The following SYT9 variants were observed in gnomAD, a reference collection of about 807,000 sequenced individuals.
SYT9 encodes synaptotagmin 9.
Under a neutral mutation model 48.4 loss-of-function variants are expected in SYT9, and 22 were observed. The ratio of observed to expected loss-of-function variants is 0.45; its 90% CI spans 0.32 to 0.65. The LOEUF (loss-of-function observed/expected upper bound fraction) is 0.65, where lower values mean the gene tolerates loss of function less well. Ranked by LOEUF, SYT9 falls within the 30% of genes least tolerant of loss-of-function variation. The pLI is 0.03. For missense variants in SYT9, 577 were observed against 622.0 expected (o/e 0.93, Z 0.77); for synonymous variants, 265 against 245.0 (o/e 1.08, Z -0.76).
intron 1 of SYT9, among the ~76,000 whole-genome samples, chr11:7,292,910 A>G (rs966919129): frequency 6.6e-6 from 1 of 152,208 alleles, no homozygotes; most frequent in Non-Finnish European, 1.5e-5. Context: ...AGCAAACCTA[A>G]TAATGATTCC....
At chr11:7,445,277 G>A (rs745746205) in intron 6 of SYT9, among the ~76,000 whole-genome samples, 4 of 152,170 alleles carry the variant, frequency 2.6e-5, no homozygotes, top group Non-Finnish European at 5.9e-5. Context: ...GAGAGAGGCA[G>A]AAGGGAGAAA....
At chr11:7,379,214 C>T (rs554813892) in intron 3 of SYT9, among the ~76,000 whole-genome samples, 1 of 152,194 alleles carries the variant, frequency 6.6e-6, no homozygotes, top group African/African-American at 2.4e-5. Flanking sequence ...AGACATGCTC[C>T]CTGGGGAAAT....
At chr11:7,452,719 C>T (rs764580786) in intron 6 of SYT9, among the ~76,000 whole-genome samples, 13 of 152,034 alleles carry the variant, frequency 8.6e-5, no homozygotes, top group Admixed American at 2.0e-4. Context: ...GAGCTTTGAA[C>T]GGGACAGTTA....
At chr11:7,441,644 C>T (rs866889070) in intron 6 of SYT9, 8 of 152,070 alleles carry the variant, frequency 5.3e-5, no homozygotes, top group Admixed American at 1.3e-4. Flanking sequence ...TCAGGTTGGT[C>T]GCAAGATGGA....
At chr11:7,324,596 AT>A (rs1849394466) in intron 3 of SYT9, among the ~76,000 whole-genome samples, 1 of 151,774 alleles carries the variant, frequency 6.6e-6, no homozygotes, top group African/African-American at 2.4e-5. Flanking sequence ...TAGTGTTTTC[AT>A]TTTTATTTTT....
chr11:7,437,512 A>C (rs1847733723), intron 6 of SYT9: 1 of 152,150 alleles, frequency 6.6e-6, no homozygotes, highest in African/African-American at 2.4e-5. Context: ...TTCAATAAAC[A>C]CTGTGTGATA....
At chr11:7,297,085 T>TGAGAGAGA (rs1179867342) in intron 1 of SYT9, among the ~76,000 whole-genome samples, 1 of 99,108 alleles carries the variant, frequency 1.0e-5, no homozygotes, top group African/African-American at 4.1e-5. Flanking sequence ...TGTGTGTGTG[T>TGAGAGAGA]GAGAGAGAGA....
intron 5 of SYT9, among the ~76,000 whole-genome samples, chr11:7,418,789 AAC>A (rs1847297890): frequency 6.6e-6 from 1 of 152,244 alleles, no homozygotes; most frequent in Non-Finnish European, 1.5e-5. Flanking sequence ...AGATTTGAAA[AAC>A]AGTCATTTTA....
At chr11:7,448,710 AT>A (rs1847984985) in intron 6 of SYT9, among the ~76,000 whole-genome samples, 1 of 152,246 alleles carries the variant, frequency 6.6e-6, no homozygotes. Flanking sequence ...AAAAAGAATT[AT>A]CTTAAAATAA....
intron 3 of SYT9, among the ~76,000 whole-genome samples, chr11:7,319,071 A>T (rs926654640): frequency 6.6e-5 from 10 of 151,032 alleles, no homozygotes; most frequent in African/African-American, 2.4e-4. Context: ...CTTTCTTCAA[A>T]CTGGAAGAAT....
intron 3 of SYT9, among the ~76,000 whole-genome samples, chr11:7,361,170 C>A (rs999496494): frequency 6.6e-6 from 1 of 151,314 alleles, no homozygotes; most frequent in African/African-American, 2.4e-5. Flanking sequence ...TCCCTTACTT[C>A]TATTTTGTTT....
chr11:7,319,326 T>C (rs1028371796), intron 3 of SYT9, among the ~76,000 whole-genome samples: 4 of 152,014 alleles, frequency 2.6e-5, no homozygotes, highest in Non-Finnish European at 4.4e-5. Context: ...TTTGCTTTTA[T>C]TCTTAAAAGA....
At chr11:7,343,931 C>T (rs577180346) in intron 3 of SYT9, among the ~76,000 whole-genome samples, 1 of 152,262 alleles carries the variant, frequency 6.6e-6, no homozygotes, top group East Asian at 1.9e-4. Context: ...ATTATAAAAA[C>T]GTCATATCTC....
chr11:7,297,820 T>G (rs562698124), intron 1 of SYT9, among the ~76,000 whole-genome samples: 3 of 152,372 alleles, frequency 2.0e-5, no homozygotes, highest in East Asian at 3.9e-4. Context: ...AATTCTAGTT[T>G]GAATGTAATT....
intron 1 of SYT9, among the ~76,000 whole-genome samples, chr11:7,258,886 C>T (rs1358387194): frequency 1.3e-5 from 2 of 152,010 alleles, no homozygotes; most frequent in African/African-American, 4.8e-5. Flanking sequence ...GTAAACTTAG[C>T]ATTTTATTAC....
At chr11:7,358,120 G>A (rs891930768) in intron 3 of SYT9, among the ~76,000 whole-genome samples, 4 of 151,844 alleles carry the variant, frequency 2.6e-5, no homozygotes, top group Non-Finnish European at 4.4e-5. Context: ...TGAGTACTGC[G>A]AAGACGAAAA....
intron 3 of SYT9, among the ~76,000 whole-genome samples, chr11:7,355,848 T>C (rs970984501): frequency 2.0e-5 from 3 of 152,082 alleles, no homozygotes; most frequent in African/African-American, 7.3e-5. Flanking sequence ...ACTGCTTGCA[T>C]TTCTCATGCT....
rs1850091436 is a variant in SYT9, at chr11:7,359,601, G to A, written c.1044+45660G>A. 3.5e-5 allele frequency among the ~76,000 whole-genome samples: 4 copies of A among 112,778 alleles called. No homozygotes were observed. In the South Asian group the frequency reaches 1.1e-3, roughly 32 times the overall value. 74.0% of individuals were successfully genotyped at this position (112,778 alleles called of 152,430 possible). The stretch of plus-strand genomic sequence containing the variant: ...TTGATTTGCATTTCTCTGATGGCCA[G>A]TGATGGTGAGCATTTTTTCATGTGT... On this transcript the variant is annotated intron_variant, in intron 3 of 6. Transcript: ENST00000318881.
intron 3 of SYT9, among the ~76,000 whole-genome samples, chr11:7,351,923 G>A (rs1348916293): frequency 6.6e-6 from 1 of 152,104 alleles, no homozygotes; most frequent in Admixed American, 6.5e-5. Context: ...GCTTGCAAAT[G>A]TGTTTTCCAG....
Sources: gnomAD v4.1 joint callset for allele counts (sites outside exome capture counted in the v4.1 genomes callset) on GRCh38, gnomAD v4.1.1 for gene constraint, MANE v1.5 for transcripts, NCBI Gene and HGNC (gene_info 2026-07-23, HGNC 2026-07-21) for gene names.